Variants in NDUFS5 observed in about 807,000 individuals in gnomAD.
The protein encoded by NDUFS5 is NADH:ubiquinone oxidoreductase subunit S5, also known as NADH dehydrogenase [ubiquinone] iron-sulfur protein 5.
In NDUFS5, 7 loss-of-function variants were observed where a neutral mutation model predicts 10.5. The ratio of observed to expected loss-of-function variants is 0.66; its 90% CI spans 0.38 to 1.25. The LOEUF is 1.25. Among genes scored for constraint, NDUFS5 ranks in the 50% most tolerant of loss-of-function variants. The pLI, the probability that NDUFS5 is intolerant of heterozygous loss-of-function variation, is 0.02. For missense variants in NDUFS5, 148 were observed against 140.7 expected (o/e 1.05, Z -0.26); for synonymous variants, 38 against 44.0 (o/e 0.86, Z 0.54).
intron 1 of NDUFS5, among the ~76,000 whole-genome samples, chr1:39,027,975 G>A (rs905328054): frequency 6.7e-6 from 1 of 148,634 alleles, no homozygotes; most frequent in African/African-American, 2.4e-5. Context: ...GTGCCAACAC[G>A]CCCAGCTAAT....
At chr1:39,031,700 C>T (rs1644191590) in intron 2 of NDUFS5, among the ~76,000 whole-genome samples, 1 of 152,136 alleles carries the variant, frequency 6.6e-6, no homozygotes, top group Admixed American at 6.6e-5. Flanking sequence ...AAGGTCACTT[C>T]CTAATCCTGT....
chr1:39,027,817 T>C (rs1434808650), intron 1 of NDUFS5, among the ~76,000 whole-genome samples: 13 of 40,520 alleles, frequency 3.2e-4, no homozygotes, highest in East Asian at 6.5e-3. Context: ...TCTTCTTCTT[T>C]TTTTTTTTTT....
At chr1:39,034,357 C>G (rs767580744) in intron 2 of NDUFS5, 35 bp from the exon 3 acceptor site, 135 of 1,600,390 alleles carry the variant, frequency 8.4e-5, no homozygotes, top group Non-Finnish European at 1.1e-4. Flanking sequence ...GCACATATCT[C>G]CTCCCTCAGT....
chr1:39,030,530 C>T (rs1220527353), intron 2 of NDUFS5, among the ~76,000 whole-genome samples: 1 of 151,922 alleles, frequency 6.6e-6, no homozygotes, highest in East Asian at 1.9e-4. Context: ...CATGGTGAAA[C>T]CCCGTCTGTA....
chr1:39,030,955 T>G (rs1644186888), intron 2 of NDUFS5, among the ~76,000 whole-genome samples: 1 of 151,728 alleles, frequency 6.6e-6, no homozygotes, highest in Admixed American at 6.6e-5. Context: ...TCACTGCAGA[T>G]TCAACTTGGG....
intron 2 of NDUFS5, among the ~76,000 whole-genome samples, chr1:39,031,441 TAGGACTACAAGTGCATGCCACC>T (rs1644190074): frequency 6.6e-6 from 1 of 152,138 alleles, no homozygotes; most frequent in Non-Finnish European, 1.5e-5. Context: ...CCCAAGTAGC[TAGGACTACAAGTGCATGCCACC>T]ATGTGCGGCT....
chr1:39,031,651 T>G (rs1452597273), intron 2 of NDUFS5, among the ~76,000 whole-genome samples: 1 of 152,138 alleles, frequency 6.6e-6, no homozygotes, highest in Non-Finnish European at 1.5e-5. Flanking sequence ...TTTCTCTTAG[T>G]CTTCATTTCC....
At chr1:39,030,419 A>AGAAAAT (rs1644182319) in intron 2 of NDUFS5, among the ~76,000 whole-genome samples, 2 of 129,034 alleles carry the variant, frequency 1.5e-5, no homozygotes, top group African/African-American at 5.7e-5. Flanking sequence ...AAAAAAAAAA[A>AGAAAAT]AAGATGGCCC....
intron 2 of NDUFS5, among the ~76,000 whole-genome samples, chr1:39,029,193 A>G (rs1212584344): frequency 6.6e-6 from 1 of 151,898 alleles, no homozygotes; most frequent in Non-Finnish European, 1.5e-5. Context: ...GGATTTCACC[A>G]TGCTGGCCAG....
intron 2 of NDUFS5, among the ~76,000 whole-genome samples, chr1:39,030,660 C>T (rs901242136): frequency 6.7e-6 from 1 of 149,740 alleles, no homozygotes; most frequent in Non-Finnish European, 1.5e-5. Context: ...GCAGAGCTTG[C>T]AGTGAGTCGA....
rs760373747 is a variant in NDUFS5 at position 39,027,581 on chromosome 1, G to GTTT, written c.-2-1129_-2-1127dup. Among the ~76,000 whole-genome samples, 48 of 91,134 alleles carry GTTT rather than the reference G, an allele frequency of 5.3e-4. 4 individuals are homozygous for GTTT. Among genetic ancestry groups the GTTT allele is most frequent in the Non-Finnish European group, 9.5e-4 (43 of 45,282 alleles). 59.8% of individuals were successfully genotyped at this position (91,134 alleles called of 152,430 possible). On this transcript the variant is annotated intron_variant, in intron 1 of 2. Transcript: ENST00000372969. ...GTCTTAACCCATTTCTTTCGCTCTG[G>GTTT]TTTTTTTTTTTTTTTGAGACAGGAT...
intron 1 of NDUFS5, among the ~76,000 whole-genome samples, chr1:39,027,835 T>C (rs1570990077): frequency 8.2e-6 from 1 of 121,734 alleles, no homozygotes; most frequent in South Asian, 3.3e-4. Flanking sequence ...TTTTTTTTTT[T>C]TGAGACAGAG....
intron 2 of NDUFS5, 114 bp downstream of exon 2, chr1:39,029,054 G>T: frequency 1.1e-6 from 1 of 947,678 alleles, no homozygotes; most frequent in Non-Finnish European, 1.5e-6. Context: ...GTGTGATGGC[G>T]CCACCTCGTC....
intron 1 of NDUFS5, among the ~76,000 whole-genome samples, chr1:39,028,006 G>C (rs1372344931): frequency 1.4e-5 from 2 of 147,952 alleles, no homozygotes; most frequent in Non-Finnish European, 3.0e-5. Context: ...TTTTAGTAGA[G>C]ACGGGATTTC....
chr1:39,033,145 C>A (rs887651592), intron 2 of NDUFS5, among the ~76,000 whole-genome samples: 14 of 152,190 alleles, frequency 9.2e-5, no homozygotes, highest in African/African-American at 3.4e-4. Context: ...GAATTCAAGA[C>A]TCAGCGGTGA....
At position 39,028,818 on chromosome 1, in the gene NDUFS5, C is replaced by T. The variant is rs751638359; in HGVS notation, c.94C>T (p.Arg32Ter). 5 of 1,613,882 alleles carry T rather than the reference C, an allele frequency of 3.1e-6. No homozygotes were observed. Among genetic ancestry groups the T allele is most frequent in the East Asian group, 2.2e-5 (1 of 44,874 alleles). Reference protein sequence around the residue: ...SGEQPYKMAGRCHAFEKEWIE... With the variant: ...SGEQPYKMAG ...TGAACAGCCCTACAAGATGGCTGGT[C>T]GATGCCATGCTTTTGAAAAAGAATG... The change falls in exon 2 of 3, where the codon CGA (arginine) becomes TGA (stop). Residue 32 changes from arginine (R) to a stop codon, truncating the protein, a stop_gained. Coordinates refer to ENST00000372969, the MANE Select transcript of NDUFS5 (RefSeq NM_004552.3). LOFTEE classifies it high-confidence loss of function.
At chr1:39,027,970 A>C (rs1416395654) in intron 1 of NDUFS5, among the ~76,000 whole-genome samples, 1 of 148,878 alleles carries the variant, frequency 6.7e-6, no homozygotes, top group Non-Finnish European at 1.5e-5. Context: ...GGCATGTGCC[A>C]ACACGCCCAG....
chr1:39,031,893 T>C (rs1343947834), intron 2 of NDUFS5, among the ~76,000 whole-genome samples: 1 of 152,126 alleles, frequency 6.6e-6, no homozygotes, highest in Non-Finnish European at 1.5e-5. Context: ...GTTTCCCCAT[T>C]ACACAGTTAA....
chr1:39,034,387 G>T lies in NDUFS5; in HGVS notation c.217-5G>T. The T allele has an allele frequency of 6.2e-7, 1 of 1,612,264 alleles. No individual in the cohort carries two copies. The highest frequency in any genetic ancestry group is 1.1e-5 in the South Asian group (1 of 90,994). ...CTCAGTTTAATTACCATTTTCCTTT[G>T]ACAGATGAGACGTGCAGGTACCATC... On this transcript the variant is annotated splice_polypyrimidine_tract_variant and splice_region_variant and intron_variant, in intron 2 of 2. Coordinates refer to ENST00000372969, the MANE Select transcript of NDUFS5 (RefSeq NM_004552.3).
Sources: gnomAD v4.1 joint callset for allele counts (sites outside exome capture counted in the v4.1 genomes callset) on GRCh38, gnomAD v4.1.1 for gene constraint, MANE v1.5 for transcripts, NCBI Gene and HGNC (gene_info 2026-07-23, HGNC 2026-07-21) for gene names.